Variants in CSMD3 observed in about 807,000 individuals in gnomAD.
CSMD3 encodes the protein CUB and sushi domain-containing protein 3.
CSMD3 carries 177 observed loss-of-function variants against 435.2 expected under a neutral mutation model. The ratio of observed to expected loss-of-function variants is 0.41; its 90% confidence interval spans 0.36 to 0.46. The LOEUF (loss-of-function observed/expected upper bound fraction) is 0.46, where lower values mean the gene tolerates loss of function less well. Among genes scored for constraint, CSMD3 ranks in the 20% least tolerant of loss-of-function variants. CSMD3 has a pLI of 0.34. For synonymous variants in CSMD3, 1,656 were observed against 1,520.5 expected (o/e 1.09, Z -2.07); for missense variants, 4,265 against 4,504.6 (o/e 0.95, Z 1.52).
chr8:112,476,464 G>A (rs952958275), intron 31 of CSMD3, among the ~76,000 whole-genome samples: 3 of 152,048 alleles, frequency 2.0e-5, no homozygotes, highest in African/African-American at 7.3e-5. Flanking sequence ...TAAGTTTTAG[G>A]GAATATCATG....
intron 33 of CSMD3, 131 bp from the exon 34 acceptor site, chr8:112,408,544 C>G: frequency 1.4e-6 from 1 of 713,196 alleles, no homozygotes; most frequent in Non-Finnish European, 2.5e-6. Context: ...TTAAAATATC[C>G]TACAACTACC....
intron 6 of CSMD3, among the ~76,000 whole-genome samples, chr8:113,010,660 G>A (rs1288478268): frequency 6.6e-6 from 1 of 151,608 alleles, no homozygotes; most frequent in Admixed American, 6.6e-5. Context: ...ATAACATGAG[G>A]CTATTATAAT....
At position 112,682,630 on chromosome 8, in the gene CSMD3, C is replaced by G. The variant is rs774756892; in HGVS notation, c.2489G>C (p.Gly830Ala). The change falls in exon 16 of 71, where the codon GGA becomes GCA. Residue 830 changes from glycine (G) to alanine (A), a missense_variant. Gly to Ala is a moderately conservative substitution (Grantham distance 60, BLOSUM62 0). Around this residue, in one of 3 missense-constraint regions of CSMD3, gnomAD observed 279 missense variants for 369.0 expected, o/e 0.76. Coordinates refer to ENST00000297405, the MANE Select transcript of CSMD3 (RefSeq NM_198123.2). ...RGFNITYNTFGHNECPDPGIP... is the reference protein window; with the variant it reads ...RGFNITYNTFAHNECPDPGIP... Reference sequence around the variant, plus strand: ...TCCAGGATCAGGGCATTCATTATGTCCAAATGCTTTAGAATAATATGCAAA... The same window carrying G: ...TCCAGGATCAGGGCATTCATTATGTGCAAATGCTTTAGAATAATATGCAAA... 1 of 1,608,042 alleles carries G rather than the reference C, an allele frequency of 6.2e-7. No homozygotes were observed. Among genetic ancestry groups the G allele is most frequent in the Non-Finnish European group, 8.5e-7 (1 of 1,174,786 alleles).
At chr8:112,383,869 C>T (rs1043920757) in intron 36 of CSMD3, among the ~76,000 whole-genome samples, 1 of 152,130 alleles carries the variant, frequency 6.6e-6, no homozygotes, top group Admixed American at 6.6e-5. Context: ...GCCTTTGAAG[C>T]ACCGACCAAT....
chr8:113,300,981 C>T (rs2093761682), intron 2 of CSMD3, among the ~76,000 whole-genome samples: 2 of 151,938 alleles, frequency 1.3e-5, no homozygotes, highest in Admixed American at 6.6e-5. Flanking sequence ...AAGCATGTCC[C>T]AGAAAACTAA....
At chr8:112,982,742 T>C (rs1423501428) in intron 6 of CSMD3, among the ~76,000 whole-genome samples, 2 of 152,022 alleles carry the variant, frequency 1.3e-5, no homozygotes, top group Admixed American at 1.3e-4. Context: ...GAATATTTGA[T>C]ATATATGTGA....
At chr8:113,077,893 G>C (rs2131437652) in intron 5 of CSMD3, among the ~76,000 whole-genome samples, 1 of 152,232 alleles carries the variant, frequency 6.6e-6, no homozygotes, top group African/African-American at 2.4e-5. Context: ...AAAATAAGTA[G>C]ATTGCTTTGA....
intron 30 of CSMD3, among the ~76,000 whole-genome samples, chr8:112,503,408 C>G (rs568758522): frequency 6.6e-6 from 1 of 152,188 alleles, no homozygotes; most frequent in South Asian, 2.1e-4. Context: ...ATACAGTTAT[C>G]GTCTACGTTG....
intron 3 of CSMD3, among the ~76,000 whole-genome samples, chr8:113,228,718 AGT>A (rs2132173108): frequency 6.6e-6 from 1 of 151,632 alleles, no homozygotes; most frequent in South Asian, 2.1e-4. Flanking sequence ...ATAGCGAAAG[AGT>A]GTGAAAATAT....
At chr8:112,615,068 C>G (rs1248574278) in intron 22 of CSMD3, among the ~76,000 whole-genome samples, 1 of 151,892 alleles carries the variant, frequency 6.6e-6, no homozygotes, top group African/African-American at 2.4e-5. Flanking sequence ...ATAGAATATA[C>G]AGTTTAAAGT....
chr8:113,168,881 C>T (rs149780893), intron 4 of CSMD3, among the ~76,000 whole-genome samples: 9 of 152,026 alleles, frequency 5.9e-5, no homozygotes, highest in Non-Finnish European at 1.3e-4. Flanking sequence ...AAATAAATGA[C>T]ATTTTTGATT....
chr8:112,274,827 T>C (rs1014707234), intron 59 of CSMD3, among the ~76,000 whole-genome samples: 1 of 152,188 alleles, frequency 6.6e-6, no homozygotes, highest in Non-Finnish European at 1.5e-5. Context: ...ACAAAAATAT[T>C]ACAACACTTG....
At chr8:112,999,730 C>G (rs939908436) in intron 6 of CSMD3, among the ~76,000 whole-genome samples, 1 of 150,730 alleles carries the variant, frequency 6.6e-6, no homozygotes, top group East Asian at 2.0e-4. Flanking sequence ...TAGTCTATTG[C>G]GAATGTTTTG....
intron 9 of CSMD3, among the ~76,000 whole-genome samples, chr8:112,934,086 G>A (rs528598508): frequency 6.6e-6 from 1 of 152,248 alleles, no homozygotes; most frequent in Admixed American, 6.5e-5. Flanking sequence ...TATTGGCTGA[G>A]TACATGAGTG....
At chr8:112,642,257 A>G (rs2074851312) in intron 20 of CSMD3, among the ~76,000 whole-genome samples, 1 of 152,062 alleles carries the variant, frequency 6.6e-6, no homozygotes, top group Admixed American at 6.6e-5. Context: ...CCAACTTCTA[A>G]AAGTCTAAGG....
At chr8:112,732,894 G>A (rs184809658) in intron 13 of CSMD3, among the ~76,000 whole-genome samples, 1 of 152,076 alleles carries the variant, frequency 6.6e-6, no homozygotes, top group Non-Finnish European at 1.5e-5. Flanking sequence ...CTAATATGTG[G>A]TTAATCACAA....
chr8:112,949,248 C>T (rs148824506), intron 8 of CSMD3, among the ~76,000 whole-genome samples: 5 of 152,090 alleles, frequency 3.3e-5, no homozygotes, highest in African/African-American at 4.8e-5. Flanking sequence ...AATTAAACAT[C>T]GGATTTTGCA....
chr8:113,293,970 T>G (rs1409484591), intron 2 of CSMD3, among the ~76,000 whole-genome samples: 1 of 152,078 alleles, frequency 6.6e-6, no homozygotes, highest in African/African-American at 2.4e-5. Context: ...AAAATATATT[T>G]CCACAAATGA....
intron 1 of CSMD3, among the ~76,000 whole-genome samples, chr8:113,337,124 G>C (rs2094082041): frequency 6.6e-6 from 1 of 152,078 alleles, no homozygotes; most frequent in Non-Finnish European, 1.5e-5. Flanking sequence ...TCATTTCCAA[G>C]TTACTGGCTT....
Sources: allele counts gnomAD v4.1 joint callset (sites outside exome capture counted in the v4.1 genomes callset), GRCh38; gene constraint gnomAD v4.1.1; regional missense constraint gnomAD v4.1.1; transcripts MANE v1.5; gene names NCBI Gene and HGNC (gene_info 2026-07-23, HGNC 2026-07-21).